The following COG5 variants were observed in gnomAD, a reference collection of about 807,000 sequenced individuals.
COG5 encodes the protein component of oligomeric golgi complex 5.
A neutral mutation model predicts 110.4 loss-of-function variants in COG5; 86 were observed. The observed-to-expected ratio is 0.78, with a 90% CI of 0.65 to 0.93. The LOEUF (loss-of-function observed/expected upper bound fraction) is 0.93, where lower values mean the gene tolerates loss of function less well. Ranked by LOEUF, COG5 falls within the 40% of genes least tolerant of loss-of-function variation. COG5 has a pLI of 0.00. For missense variants in COG5, 1,077 were observed against 987.0 expected, an observed-to-expected ratio of 1.09 and a Z score of -1.22; for synonymous variants, 360 against 334.6, an observed-to-expected ratio of 1.08 and a Z score of -0.83.
chr7:107,518,876 G>T (rs970847815), intron 6 of COG5, among the ~76,000 whole-genome samples: 19 of 152,258 alleles, frequency 1.2e-4, no homozygotes, highest in African/African-American at 4.3e-4. Context: ...GTGCCACAAG[G>T]CAGTTATTCT....
intron 14 of COG5, among the ~76,000 whole-genome samples, chr7:107,268,270 A>C (rs1206922296): frequency 2.0e-5 from 3 of 152,184 alleles, no homozygotes; most frequent in Non-Finnish European, 4.4e-5. Context: ...ACCTGGCCTA[A>C]GAAATTCTTT....
intron 6 of COG5, among the ~76,000 whole-genome samples, chr7:107,413,112 G>A (rs2129067544): frequency 6.6e-6 from 1 of 151,926 alleles, no homozygotes; most frequent in African/African-American, 2.4e-5. Context: ...GAACTACTGG[G>A]CTCAAGCAGT....
In COG5 at chr7:107,561,667, C is replaced by T. The variant is rs561727247; in HGVS notation, c.94+2136G>A. Among the ~76,000 whole-genome samples, 300 of 152,288 alleles carry T rather than the reference C, an allele frequency of 2.0e-3. 2 individuals carry two copies. The highest frequency in any genetic ancestry group is 6.8e-3 in the Middle Eastern group (2 of 292). ...AAAAAATCCAGAGCAAAGTAGGAGG[C>T]ACTATCCTTAGAACGGAGCAGAGAC... is the stretch of plus-strand genomic sequence containing the variant. On this transcript the variant is annotated intron_variant, in intron 1 of 21. Transcript: ENST00000297135.
chr7:107,203,433 G>A lies in COG5; in HGVS notation c.*83C>T. On this transcript the variant is annotated 3_prime_UTR_variant, in exon 22 of 22. Coordinates refer to ENST00000297135, the MANE Select transcript of COG5 (RefSeq NM_006348.5). ...AATTACATTCTTAAAATAGTAGATA[G>A]TAGCAGTCTTTTGGAGTATGTGTTT... 1 of 869,274 alleles carries A rather than the reference G, an allele frequency of 1.2e-6. No individual in the cohort carries two copies. The highest frequency in any genetic ancestry group is 2.0e-6 in the Non-Finnish European group (1 of 503,586). 53.8% of individuals were successfully genotyped at this position (869,274 alleles called of 1,614,324 possible).
chr7:107,530,993 C>T (rs969846489), intron 5 of COG5, among the ~76,000 whole-genome samples: 6 of 152,154 alleles, frequency 3.9e-5, no homozygotes, highest in African/African-American at 1.4e-4. Context: ...TGCCATTACC[C>T]TTCATGCCAA....
At chr7:107,241,353 GT>G (rs201819480) in intron 17 of COG5, among the ~76,000 whole-genome samples, 38 of 145,518 alleles carry the variant, frequency 2.6e-4, no homozygotes, top group African/African-American at 7.8e-4. Context: ...TCCAAATATA[GT>G]TTTTTTTTCG....
At chr7:107,416,877 A>G (rs1272381758) in intron 6 of COG5, among the ~76,000 whole-genome samples, 1 of 152,222 alleles carries the variant, frequency 6.6e-6, no homozygotes, top group Admixed American at 6.5e-5. Context: ...AGCTTTTAAG[A>G]TAATACTGTT....
intron 6 of COG5, among the ~76,000 whole-genome samples, chr7:107,434,126 T>G (rs549258732): frequency 6.6e-6 from 1 of 152,224 alleles, no homozygotes; most frequent in South Asian, 2.1e-4. Flanking sequence ...TCACACCAGT[T>G]AGAATGGCCA....
chr7:107,216,542 T>A (rs1378287186), intron 19 of COG5, among the ~76,000 whole-genome samples: 1 of 152,162 alleles, frequency 6.6e-6, no homozygotes, highest in African/African-American at 2.4e-5. Flanking sequence ...TGAAATCATA[T>A]CAAGTATCTT....
At chr7:107,284,853 C>G (rs1405586936) in intron 12 of COG5, among the ~76,000 whole-genome samples, 1 of 152,130 alleles carries the variant, frequency 6.6e-6, no homozygotes, top group African/African-American at 2.4e-5. Flanking sequence ...ATCCTTCCAC[C>G]AGCTTTTGCA....
chr7:107,449,527 T>C (rs528761478), intron 6 of COG5, among the ~76,000 whole-genome samples: 17 of 152,346 alleles, frequency 1.1e-4, no homozygotes, highest in African/African-American at 3.6e-4. Context: ...GTTATCACAA[T>C]AGAAAGTGAT....
rs574904570 is a variant in COG5, at chr7:107,208,521, T to C, written c.2375+2005A>G. ...CCTCTTTTTAAGACGACTGAGTGTG[T>C]TGCAGCTGAGTGAATCTTTGGGACT... On this transcript the variant is annotated intron_variant, in intron 21 of 21. Transcript: ENST00000297135. 1.5e-5 allele frequency: 15 copies of C among 985,424 alleles called. No individual in the cohort carries two copies. The South Asian group carries it at 6.1e-4, about 40-fold the overall frequency. The allele number at this position is 985,424 out of a possible 1,614,324, so 61.0% of individuals were successfully genotyped here. A position where few individuals can be genotyped will look rare whatever the true frequency, so the allele number is the denominator to read the frequency against.
chr7:107,249,884 T>A (rs1263069535), intron 16 of COG5, among the ~76,000 whole-genome samples: 1 of 151,902 alleles, frequency 6.6e-6, no homozygotes, highest in Non-Finnish European at 1.5e-5. Flanking sequence ...ACTAAAAAAG[T>A]TTCGGATTCC....
chr7:107,387,753 G>A (rs998876913), intron 7 of COG5, among the ~76,000 whole-genome samples: 51 of 152,352 alleles, frequency 3.3e-4, no homozygotes, highest in African/African-American at 1.2e-3. Context: ...CTAGCACTCA[G>A]AGAGCTGAGA....
chr7:107,256,602 AT>A (rs1802897658), intron 16 of COG5, 129 bp downstream of exon 16: 2 of 673,992 alleles, frequency 3.0e-6, no homozygotes, highest in Non-Finnish European at 5.3e-6. Flanking sequence ...CTTTAGGATA[AT>A]TATCAACATG....
At chr7:107,281,440 A>C in intron 13 of COG5, 41 bp from the exon 14 acceptor site, 1 of 1,363,460 alleles carries the variant, frequency 7.3e-7, no homozygotes, top group Non-Finnish European at 1.1e-6. Context: ...TAGCAACATC[A>C]TTCATCAACA....
chr7:107,355,524 A>G (rs899604348), intron 10 of COG5, among the ~76,000 whole-genome samples: 1 of 152,212 alleles, frequency 6.6e-6, no homozygotes, highest in Middle Eastern at 3.2e-3. Flanking sequence ...CGCAACCAAA[A>G]TATCTTTCAA....
At chr7:107,540,563 G>A (rs1801905364) in intron 5 of COG5, among the ~76,000 whole-genome samples, 1 of 149,916 alleles carries the variant, frequency 6.7e-6, no homozygotes, top group African/African-American at 2.4e-5. Context: ...AAGTGACAGG[G>A]CAAGGCCCTG....
intron 14 of COG5, among the ~76,000 whole-genome samples, chr7:107,262,876 T>C (rs1455870046): frequency 2.0e-5 from 3 of 152,224 alleles, no homozygotes; most frequent in Non-Finnish European, 2.9e-5. Flanking sequence ...ACGGAACTAA[T>C]AATACAGTTT....
Sources: gnomAD v4.1 joint callset for allele counts (sites outside exome capture counted in the v4.1 genomes callset) on GRCh38, gnomAD v4.1.1 for gene constraint, MANE v1.5 for transcripts, NCBI Gene and HGNC (gene_info 2026-07-23, HGNC 2026-07-21) for gene names.